Variants in PUM2 observed in about 807,000 individuals in gnomAD.
The protein encoded by PUM2 is pumilio homolog 2.
PUM2 carries 57 observed loss-of-function variants against 124.5 expected under a neutral mutation model. The ratio of observed to expected loss-of-function variants is 0.46; its 90% CI spans 0.37 to 0.57. PUM2 has a LOEUF of 0.57. Among genes scored for constraint, PUM2 ranks in the 20% least tolerant of loss-of-function variants. The pLI is 0.00. For missense variants in PUM2, 1,065 were observed against 1,290.6 expected (o/e 0.83, Z 2.68); for synonymous variants, 460 against 446.1 (o/e 1.03, Z -0.39).
At chr2:20,344,677 T>C (rs1450429611) in intron 1 of PUM2, among the ~76,000 whole-genome samples, 1 of 152,032 alleles carries the variant, frequency 6.6e-6, no homozygotes, top group Non-Finnish European at 1.5e-5. Context: ...CTAAATTAAC[T>C]TCTATAACAT....
At chr2:20,345,816 G>A (rs955262479) in intron 1 of PUM2, among the ~76,000 whole-genome samples, 1 of 152,166 alleles carries the variant, frequency 6.6e-6, no homozygotes, top group Non-Finnish European at 1.5e-5. Context: ...AGGTTGCAGT[G>A]AGCCGAGATC....
intron 12 of PUM2, among the ~76,000 whole-genome samples, chr2:20,279,828 A>G (rs1166052508): frequency 2.0e-5 from 3 of 152,114 alleles, no homozygotes; most frequent in African/African-American, 7.2e-5. Flanking sequence ...CCAAACTCTC[A>G]GTTCTCAAGT....
intron 13 of PUM2, among the ~76,000 whole-genome samples, chr2:20,277,183 C>A (rs1364880617): frequency 6.6e-6 from 1 of 152,058 alleles, no homozygotes; most frequent in Non-Finnish European, 1.5e-5. Context: ...ATGACAAAAT[C>A]TTAACAATAA....
chr2:20,277,258 G>C (rs946216988), intron 13 of PUM2, among the ~76,000 whole-genome samples: 1 of 152,076 alleles, frequency 6.6e-6, no homozygotes, highest in Non-Finnish European at 1.5e-5. Context: ...CCATTTCATA[G>C]GCATGTCTTA....
chr2:20,295,707 ATTC>A (rs1183777642), intron 8 of PUM2, among the ~76,000 whole-genome samples: 9 of 152,220 alleles, frequency 5.9e-5, no homozygotes, highest in African/African-American at 2.2e-4. Flanking sequence ...TGTAAACTCT[ATTC>A]ATAACATCTA....
At chr2:20,326,146 T>C in intron 2 of PUM2, 1 of 958,804 alleles carries the variant, frequency 1.0e-6, no homozygotes, top group Non-Finnish European at 1.4e-6. Flanking sequence ...CTACAGATTT[T>C]GTTTACAAAA....
intron 10 of PUM2, among the ~76,000 whole-genome samples, chr2:20,290,337 C>A (rs777275964): frequency 1.1e-4 from 16 of 152,182 alleles, no homozygotes; most frequent in Non-Finnish European, 1.9e-4. Context: ...TACCAACTCT[C>A]AATAACTGTT....
intron 7 of PUM2, among the ~76,000 whole-genome samples, chr2:20,299,210 G>C (rs1440803521): frequency 6.6e-6 from 1 of 152,130 alleles, no homozygotes; most frequent in African/African-American, 2.4e-5. Context: ...TGGAGACTGA[G>C]GCCTCAACTT....
chr2:20,327,426 G>T, intron 1 of PUM2, 48 bp from the exon 2 acceptor site: 1 of 1,172,354 alleles, frequency 8.5e-7, no homozygotes, highest in South Asian at 1.3e-5. Context: ...TGTTTAAACA[G>T]ACTTCTTCAA....
chr2:20,328,330 A>AAAAC (rs1038038368), intron 1 of PUM2, among the ~76,000 whole-genome samples: 3 of 152,246 alleles, frequency 2.0e-5, no homozygotes, highest in African/African-American at 7.2e-5. Context: ...ACTCTGTCTC[A>AAAAC]AAACAAACAA....
intron 13 of PUM2, among the ~76,000 whole-genome samples, chr2:20,272,154 C>CAAAT (rs769015967): frequency 9.0e-6 from 1 of 110,592 alleles, no homozygotes; most frequent in Non-Finnish European, 2.0e-5. Context: ...AAGACTTCGT[C>CAAAT]AAATGAATGA....
chr2:20,297,719 A>G, intron 7 of PUM2, 41 bp from the exon 8 acceptor site: 1 of 1,569,090 alleles, frequency 6.4e-7, no homozygotes, highest in East Asian at 2.3e-5. Flanking sequence ...AACAATGTAA[A>G]GTATGATTTT....
At chr2:20,312,513 G>A (rs1370396858) in intron 3 of PUM2, 90 bp from the exon 4 acceptor site, 1 of 1,194,054 alleles carries the variant, frequency 8.4e-7, no homozygotes, top group African/African-American at 1.6e-5. Flanking sequence ...AGAAAAATCA[G>A]CACATTGTTT....
At chr2:20,295,601 C>T (rs534615850) in intron 8 of PUM2, among the ~76,000 whole-genome samples, 8 of 149,794 alleles carry the variant, frequency 5.3e-5, no homozygotes, top group African/African-American at 1.2e-4. Context: ...AAGGGTACAC[C>T]GTAAAAATAA....
chr2:20,261,417 A>AAAAAC, intron 14 of PUM2, among the ~76,000 whole-genome samples: 2 of 134,566 alleles, frequency 1.5e-5, no homozygotes, highest in African/African-American at 5.4e-5. Context: ...AAAAAAAAAA[A>AAAAAC]AAAAAGTGTA....
intron 8 of PUM2, among the ~76,000 whole-genome samples, chr2:20,295,094 T>A (rs1675195127): frequency 6.6e-6 from 1 of 152,124 alleles, no homozygotes. Flanking sequence ...AGCATTTATG[T>A]GGTTAGGAAA....
intron 1 of PUM2, among the ~76,000 whole-genome samples, chr2:20,336,703 G>GTGTGTGTT (rs1553408182): frequency 1.4e-5 from 2 of 147,346 alleles, no homozygotes; most frequent in African/African-American, 5.2e-5. Context: ...GTGTGTGTGT[G>GTGTGTGTT]TGTGTGTGTT....
intron 20 of PUM2, 107 bp downstream of exon 20, chr2:20,253,715 T>C: frequency 9.4e-7 from 1 of 1,061,978 alleles, no homozygotes; most frequent in Middle Eastern, 2.4e-4. Flanking sequence ...CGATTTTAAT[T>C]TTTCCTCCAG....
intron 18 of PUM2, 25 bp downstream of exon 18, chr2:20,255,191 T>G (rs774763046): frequency 6.4e-7 from 1 of 1,564,182 alleles, no homozygotes; most frequent in East Asian, 2.2e-5. Flanking sequence ...TATATAAACA[T>G]TTCAAATTAT....
Sources: gnomAD v4.1 joint callset for allele counts (sites outside exome capture counted in the v4.1 genomes callset) on GRCh38, gnomAD v4.1.1 for gene constraint, MANE v1.5 for transcripts, NCBI Gene and HGNC (gene_info 2026-07-23, HGNC 2026-07-21) for gene names.